The following STK17A variants were observed in gnomAD, a reference collection of about 807,000 sequenced individuals.
STK17A encodes the protein serine/threonine-protein kinase 17A.
Under a neutral mutation model 43.7 loss-of-function variants are expected in STK17A, and 26 were observed. The ratio of observed to expected loss-of-function variants is 0.60; its 90% CI spans 0.44 to 0.83. The LOEUF (loss-of-function observed/expected upper bound fraction) is 0.83, where lower values mean the gene tolerates loss of function less well. Ranked by LOEUF, STK17A falls within the 40% of genes least tolerant of loss-of-function variation. The pLI is 0.00. For missense variants in STK17A, 476 were observed against 511.6 expected (o/e 0.93, Z 0.67); for synonymous variants, 191 against 182.5 (o/e 1.05, Z -0.38).
intron 2 of STK17A, among the ~76,000 whole-genome samples, chr7:43,600,272 A>G (rs536389576): frequency 7.9e-5 from 12 of 152,358 alleles, no homozygotes; most frequent in African/African-American, 2.9e-4. Context: ...CCTGCATACA[A>G]CTGAAAACAC....
intron 2 of STK17A, among the ~76,000 whole-genome samples, chr7:43,605,761 T>C (rs1284791416): frequency 1.3e-5 from 2 of 152,074 alleles, no homozygotes; most frequent in Non-Finnish European, 2.9e-5. Flanking sequence ...CATGGTCCTA[T>C]ACCTGTTGTT....
intron 3 of STK17A, among the ~76,000 whole-genome samples, chr7:43,614,371 G>T (rs1000563677): frequency 6.6e-6 from 1 of 152,100 alleles, no homozygotes; most frequent in Non-Finnish European, 1.5e-5. Flanking sequence ...ATTTTAAATA[G>T]AACTAGATTT....
rs1318040752 is a variant in STK17A, at chr7:43,624,582, C to G, written c.985C>G (p.Pro329Ala). The G allele has an allele frequency of 6.2e-7, 1 of 1,614,084 alleles. No homozygotes were observed. The highest frequency in any genetic ancestry group is 8.5e-7 in the Non-Finnish European group (1 of 1,180,018). ...PWLTQSSIQE[P>A]SFRMEKALEE... Reference sequence around the variant, plus strand: ...GTTGACACAGAGCAGTATTCAAGAGCCTTCTTTCAGGATGGAAAAGGCACT... The same window carrying G: ...GTTGACACAGAGCAGTATTCAAGAGGCTTCTTTCAGGATGGAAAAGGCACT... Residue 329 changes from proline (P) to alanine (A), a missense_variant, in exon 7 of 7, where the codon CCT becomes GCT. Pro to Ala is a conservative substitution (Grantham distance 27, BLOSUM62 -1). Transcript: ENST00000319357.
At chr7:43,619,993 A>G (rs1487842355) in intron 4 of STK17A, among the ~76,000 whole-genome samples, 6 of 152,250 alleles carry the variant, frequency 3.9e-5, no homozygotes, top group Non-Finnish European at 7.3e-5. Flanking sequence ...TTTTCTTAAC[A>G]AAGTAGGATA....
At position 43,626,745 on chromosome 7, in the gene STK17A, T is replaced by G. The variant is rs998729550; in HGVS notation, c.*1903T>G. On this transcript the variant is annotated 3_prime_UTR_variant, in exon 7 of 7. Coordinates refer to ENST00000319357, the MANE Select transcript of STK17A (RefSeq NM_004760.3). ...TTAAAATCAGAATCATTTGGGCTTT[T>G]TAAAAACCATTTTATACTCGTAATA... 1 of 152,224 alleles carries G rather than the reference T, an allele frequency of 6.6e-6. No homozygotes were observed. The highest frequency in any genetic ancestry group is 2.4e-5 in the African/African-American group (1 of 41,462). 9.4% of individuals were successfully genotyped at this position (152,224 alleles called of 1,614,324 possible).
At chr7:43,587,154 G>GTTTTTTTTTTTT (rs71011929) in intron 1 of STK17A, among the ~76,000 whole-genome samples, 1 of 112,096 alleles carries the variant, frequency 8.9e-6, no homozygotes, top group Non-Finnish European at 1.8e-5. Flanking sequence ...ATTGTTTTTT[G>GTTTTTTTTTTTT]TTTTTTTTTT....
intron 4 of STK17A, 179 bp from the exon 5 acceptor site, chr7:43,623,388 CAAGTT>C: frequency 1.8e-6 from 1 of 568,760 alleles, no homozygotes; most frequent in African/African-American, 1.9e-5. Flanking sequence ...GAAAAGTAAA[CAAGTT>C]AATTACAAAC....
Position 43,601,928 on chromosome 7 carries a change from A to G in STK17A, c.419+5815A>G, listed in dbSNP as rs147918858. 4.1e-4 allele frequency among the ~76,000 whole-genome samples: 62 copies of G among 152,132 alleles called. 1 individual carries two copies. Among genetic ancestry groups the G allele is most frequent in the South Asian group, 2.3e-3 (11 of 4,820 alleles). ...ACACCCCCACCCCCTGAGCTAATCA[A>G]TATCTTTACTGTGTCACCTACTTCC... On this transcript the variant is annotated intron_variant, in intron 2 of 6. Coordinates refer to ENST00000319357, the MANE Select transcript of STK17A (RefSeq NM_004760.3).
At chr7:43,617,398 G>A (rs1165097271) in intron 3 of STK17A, among the ~76,000 whole-genome samples, 2 of 152,184 alleles carry the variant, frequency 1.3e-5, no homozygotes, top group Admixed American at 1.3e-4. Flanking sequence ...TTAATTTTCC[G>A]TAGATGGAGA....
chr7:43,621,588 C>T (rs1314949979), intron 4 of STK17A, among the ~76,000 whole-genome samples: 1 of 152,180 alleles, frequency 6.6e-6, no homozygotes, highest in East Asian at 1.9e-4. Context: ...CTGCCTCAGC[C>T]TCCCGAGTAG....
chr7:43,613,920 G>A (rs1029859432), intron 3 of STK17A, among the ~76,000 whole-genome samples: 1 of 152,126 alleles, frequency 6.6e-6, no homozygotes, highest in Non-Finnish European at 1.5e-5. Flanking sequence ...CTTTCCATAT[G>A]AGATTTAAAT....
chr7:43,584,991 G>A (rs2082428680), intron 1 of STK17A, among the ~76,000 whole-genome samples: 2 of 152,318 alleles, frequency 1.3e-5, no homozygotes, highest in South Asian at 4.1e-4. Flanking sequence ...GAGGTCAGGA[G>A]TTCCAGACCA....
intron 3 of STK17A, among the ~76,000 whole-genome samples, chr7:43,618,286 C>A (rs1249136824): frequency 6.6e-6 from 1 of 152,118 alleles, no homozygotes; most frequent in Admixed American, 6.6e-5. Context: ...TTTATTGAGA[C>A]CCATCATGCA....
At chr7:43,596,601 T>A (rs1412836495) in intron 2 of STK17A, among the ~76,000 whole-genome samples, 2 of 152,156 alleles carry the variant, frequency 1.3e-5, no homozygotes, top group Non-Finnish European at 2.9e-5. Flanking sequence ...GCGTGGTGAC[T>A]CATGCCTGTA....
Position 43,624,754 on chromosome 7 carries a change from AAG to A in STK17A, c.1161_1162del (p.Lys388AsnfsTer11). 1.2e-6 allele frequency: 2 copies of A among 1,613,878 alleles called. No homozygotes were observed. The highest frequency in any genetic ancestry group is 1.7e-6 in the Non-Finnish European group (2 of 1,179,832). ...CTAGGACAATGCAGACAGTCTGAAAAAGAGAAAATGGAGCAAAAGGCCATTTC... is the reference window on the plus strand; with the variant it reads ...CTAGGACAATGCAGACAGTCTGAAAAAGAAAATGGAGCAAAAGGCCATTTC... On this transcript the variant is annotated frameshift_variant, in exon 7 of 7. Transcript: ENST00000319357. LOFTEE classifies it high-confidence loss of function.
chr7:43,591,611 AAGG>A (rs765365560), intron 1 of STK17A, among the ~76,000 whole-genome samples: 2 of 151,670 alleles, frequency 1.3e-5, no homozygotes, highest in East Asian at 3.9e-4. Context: ...ATTGATATGA[AAGG>A]AGAGCCGTGG....
In STK17A at chr7:43,626,688, A is replaced by G. The variant is rs556943701; in HGVS notation, c.*1846A>G. On this transcript the variant is annotated 3_prime_UTR_variant, in exon 7 of 7. Transcript: ENST00000319357. The stretch of plus-strand genomic sequence containing the variant: ...GAAAAAATAACCACTATTGAATGAC[A>G]CGTTTGTACTTGATGGATCTGTCAT... The G allele has an allele frequency of 6.6e-6, 1 of 152,336 alleles. No individual in the cohort carries two copies. The highest frequency in any genetic ancestry group is 2.4e-5 in the African/African-American group (1 of 41,580). The allele number at this position is 152,336 out of a possible 1,614,324, so 9.4% of individuals were successfully genotyped here.
chr7:43,598,058 C>T (rs574210056), intron 2 of STK17A, among the ~76,000 whole-genome samples: 1 of 152,124 alleles, frequency 6.6e-6, no homozygotes, highest in East Asian at 1.9e-4. Context: ...TTTCATAGGC[C>T]ACTTTATTTA....
At chr7:43,590,620 C>T (rs888625061) in intron 1 of STK17A, among the ~76,000 whole-genome samples, 4 of 151,298 alleles carry the variant, frequency 2.6e-5, no homozygotes, top group Non-Finnish European at 5.9e-5. Flanking sequence ...AAAAATATAC[C>T]TGAAAATTAT....
Sources: allele counts gnomAD v4.1 joint callset (sites outside exome capture counted in the v4.1 genomes callset), GRCh38; gene constraint gnomAD v4.1.1; transcripts MANE v1.5; gene names NCBI Gene and HGNC (gene_info 2026-07-23, HGNC 2026-07-21).